ZCWPW2: variants seen among roughly 807,000 people sequenced by gnomAD.
ZCWPW2 encodes zinc finger CW-type and PWWP domain containing 2, also known as zinc finger CW-type PWWP domain protein 2.
ZCWPW2 carries 45 observed loss-of-function variants against 46.6 expected under a neutral mutation model. The observed-to-expected ratio is 0.96, with a 90% confidence interval of 0.76 to 1.24. The LOEUF (loss-of-function observed/expected upper bound fraction) is 1.24. Among genes scored for constraint, ZCWPW2 ranks in the 50% most tolerant of loss-of-function variants. ZCWPW2 has a pLI of 0.00. For synonymous variants in ZCWPW2, 152 were observed against 137.1 expected, an observed-to-expected ratio of 1.11 and a Z score of -0.76; for missense variants, 429 against 403.9, an observed-to-expected ratio of 1.06 and a Z score of -0.53.
intron 1 of ZCWPW2, among the ~76,000 whole-genome samples, chr3:28,387,866 G>T (rs765307238): frequency 3.3e-5 from 5 of 152,176 alleles, no homozygotes; most frequent in African/African-American, 7.2e-5. Flanking sequence ...GAAGCTGCTA[G>T]ATTTCAGTAA....
intron 3 of ZCWPW2, 65 bp downstream of exon 3, chr3:28,413,465 T>A: frequency 7.4e-7 from 1 of 1,355,760 alleles, no homozygotes; most frequent in Non-Finnish European, 9.9e-7. Flanking sequence ...ATATTAAAAA[T>A]CTTTTTGAAG....
At chr3:28,374,689 C>G (rs182810008) in intron 1 of ZCWPW2, among the ~76,000 whole-genome samples, 165 of 152,054 alleles carry the variant, frequency 1.1e-3, no homozygotes, top group African/African-American at 3.5e-3. Flanking sequence ...AGATCTTTCA[C>G]TTATTTGGTT....
At chr3:28,502,435 A>G (rs1397136968) in intron 6 of ZCWPW2, among the ~76,000 whole-genome samples, 1 of 152,084 alleles carries the variant, frequency 6.6e-6, no homozygotes, top group Non-Finnish European at 1.5e-5. Flanking sequence ...ACCCTTTTTT[A>G]TATTTGATTT....
At chr3:28,520,006 C>CT (rs1700679773) in intron 8 of ZCWPW2, among the ~76,000 whole-genome samples, 1 of 146,766 alleles carries the variant, frequency 6.8e-6, no homozygotes, top group African/African-American at 2.5e-5. Context: ...TTTTTTTTGC[C>CT]TATTTTTTTT....
chr3:28,413,057 T>G lies in ZCWPW2; in HGVS notation c.-12T>G. The G allele has an allele frequency of 6.3e-7, 1 of 1,593,516 alleles. No individual in the cohort carries two copies. Among genetic ancestry groups the G allele is most frequent in the East Asian group, 2.2e-5 (1 of 44,622 alleles). On this transcript the variant is annotated splice_region_variant and 5_prime_UTR_variant, in exon 3 of 10. Transcript: ENST00000383768. ...ATTTTCCTCTTTCTTATTTTCCAGA[T>G]TAAATGCCTTAATGGATAAAGAAAA...
At chr3:28,383,513 C>G (rs989550042) in intron 1 of ZCWPW2, among the ~76,000 whole-genome samples, 1 of 151,660 alleles carries the variant, frequency 6.6e-6, no homozygotes, top group African/African-American at 2.4e-5. Context: ...AAGGTTTTAC[C>G]TGTGTAAAAT....
intron 2 of ZCWPW2, among the ~76,000 whole-genome samples, chr3:28,398,686 A>C (rs2125725387): frequency 6.6e-6 from 1 of 152,242 alleles, no homozygotes; most frequent in East Asian, 1.9e-4. Flanking sequence ...GAAACTGAAG[A>C]TCTAGATTAC....
chr3:28,358,668 T>C lies in ZCWPW2; in HGVS notation c.-134+9465T>C, dbSNP rs139791822. 2.5e-3 allele frequency among the ~76,000 whole-genome samples: 376 copies of C among 152,192 alleles called. 1 individual carries two copies. Among genetic ancestry groups the C allele is most frequent in the African/African-American group, 8.3e-3 (343 of 41,548 alleles). ...GCATCATCACTTTTTCAACATCAAG[T>C]GTTGTGTAGTAGAATTCAAAGCGAC... On this transcript the variant is annotated intron_variant, in intron 1 of 9. Coordinates refer to ENST00000383768, the MANE Select transcript of ZCWPW2 (RefSeq NM_001040432.4).
chr3:28,443,920 C>G (rs1030835401), intron 4 of ZCWPW2, among the ~76,000 whole-genome samples: 3 of 151,762 alleles, frequency 2.0e-5, no homozygotes, highest in Non-Finnish European at 4.4e-5. Context: ...TCTCCCTAAG[C>G]CTTTGGACCC....
At chr3:28,461,245 G>A (rs1013757272) in intron 4 of ZCWPW2, among the ~76,000 whole-genome samples, 2 of 152,094 alleles carry the variant, frequency 1.3e-5, no homozygotes, top group Admixed American at 6.5e-5. Context: ...TGTACCTAGA[G>A]TGTTGTTATG....
At chr3:28,395,906 A>G (rs1196919811) in intron 2 of ZCWPW2, among the ~76,000 whole-genome samples, 2 of 152,164 alleles carry the variant, frequency 1.3e-5, no homozygotes, top group African/African-American at 4.8e-5. Flanking sequence ...TTCAGAAAAA[A>G]TAATAGATAA....
At chr3:28,460,046 T>C (rs1356207413) in intron 4 of ZCWPW2, among the ~76,000 whole-genome samples, 1 of 152,162 alleles carries the variant, frequency 6.6e-6, no homozygotes, top group African/African-American at 2.4e-5. Context: ...CTACCTGCAA[T>C]GTTGCAGGGA....
At chr3:28,522,424 A>T (rs1300196750) in intron 9 of ZCWPW2, among the ~76,000 whole-genome samples, 1 of 152,164 alleles carries the variant, frequency 6.6e-6, no homozygotes, top group Non-Finnish European at 1.5e-5. Flanking sequence ...CAATTTGAGC[A>T]ACTGCCTATC....
chr3:28,354,093 CG>C (rs1302195615), intron 1 of ZCWPW2, among the ~76,000 whole-genome samples: 3 of 151,802 alleles, frequency 2.0e-5, no homozygotes, highest in Non-Finnish European at 4.4e-5. Context: ...GGAGGTAAAA[CG>C]TATTAGAGAA....
At chr3:28,369,933 C>T (rs1022566597) in intron 1 of ZCWPW2, among the ~76,000 whole-genome samples, 2 of 152,054 alleles carry the variant, frequency 1.3e-5, no homozygotes, top group African/African-American at 2.4e-5. Flanking sequence ...AGCGAGGCTC[C>T]GTGGGTGTAG....
chr3:28,427,634 C>A (rs115782610), intron 3 of ZCWPW2, among the ~76,000 whole-genome samples: 1,804 of 152,146 alleles, frequency 0.012, 40 homozygotes, highest in African/African-American at 0.041. Flanking sequence ...TTTTGAGGGT[C>A]GTCTCTGTTT....
intron 4 of ZCWPW2, among the ~76,000 whole-genome samples, chr3:28,448,259 A>G (rs1349771850): frequency 1.3e-5 from 2 of 152,188 alleles, no homozygotes; most frequent in African/African-American, 4.8e-5. Context: ...GCAGGATTCA[A>G]ATACAACAAA....
intron 1 of ZCWPW2, among the ~76,000 whole-genome samples, chr3:28,372,591 A>G (rs1054866274): frequency 1.3e-5 from 2 of 152,174 alleles, no homozygotes; most frequent in African/African-American, 4.8e-5. Flanking sequence ...TCTGTGCATT[A>G]TTTACAACCT....
intron 1 of ZCWPW2, among the ~76,000 whole-genome samples, chr3:28,361,925 G>A (rs1704958648): frequency 6.6e-6 from 1 of 152,102 alleles, no homozygotes; most frequent in Non-Finnish European, 1.5e-5. Context: ...CTCTTGGTGG[G>A]AATGTAAAGT....
Sources: allele counts gnomAD v4.1 joint callset (sites outside exome capture counted in the v4.1 genomes callset), GRCh38; gene constraint gnomAD v4.1.1; transcripts MANE v1.5; gene names NCBI Gene and HGNC (gene_info 2026-07-23, HGNC 2026-07-21).